Variants in CHD6 observed in about 807,000 individuals in gnomAD.
CHD6 encodes the protein chromodomain helicase DNA binding protein 6.
A neutral mutation model predicts 276.9 loss-of-function variants in CHD6; 50 were observed. The observed-to-expected ratio is 0.18, with a 90% CI of 0.14 to 0.23. The LOEUF is 0.23. CHD6 is among the 10% of genes least tolerant of loss of function. CHD6 has a pLI of 1.00. For synonymous variants in CHD6, 1,173 were observed against 1,229.3 expected, an observed-to-expected ratio of 0.95 and a Z score of 0.96; for missense variants, 2,564 against 3,365.8, an observed-to-expected ratio of 0.76 and a Z score of 5.89.
rs148749289 is a variant in CHD6 at position 41,441,555 on chromosome 20, A to G, written c.3878-1426T>C. On this transcript the variant is annotated intron_variant, in intron 25 of 36. Coordinates refer to ENST00000373233, the MANE Select transcript of CHD6 (RefSeq NM_032221.5). Reference sequence around the variant, plus strand: ...TGAGGGAGGCCAACTGTCCAGGAGTATACCACCTTCACACTCTGTGCTCAG... The same window carrying G: ...TGAGGGAGGCCAACTGTCCAGGAGTGTACCACCTTCACACTCTGTGCTCAG... 2.8e-3 allele frequency among the ~76,000 whole-genome samples: 419 copies of G among 152,328 alleles called. 2 individuals carry two copies. The highest frequency in any genetic ancestry group is 0.024 in the Middle Eastern group (7 of 294).
Position 41,527,089 on chromosome 20 carries a change from A to G in CHD6, c.554+5961T>C, listed in dbSNP as rs1186855259. On this transcript the variant is annotated intron_variant, in intron 3 of 36. Coordinates refer to ENST00000373233, the MANE Select transcript of CHD6 (RefSeq NM_032221.5). ...CATATGTGTGGAAATTCCAAAGCTCATCCTCTGCCCTCACCAACAACATGA... is the reference window on the plus strand; with the variant it reads ...CATATGTGTGGAAATTCCAAAGCTCGTCCTCTGCCCTCACCAACAACATGA... 2.6e-5 allele frequency among the ~76,000 whole-genome samples: 4 copies of G among 152,170 alleles called. No homozygotes were observed. The East Asian group carries it at 7.7e-4, about 29-fold the overall frequency.
chr20:41,502,546 G>T (rs1262321769), intron 5 of CHD6, among the ~76,000 whole-genome samples: 1 of 152,186 alleles, frequency 6.6e-6, no homozygotes, highest in African/African-American at 2.4e-5. Context: ...CCTACAGCTT[G>T]ATTACAAAGT....
chr20:41,416,735 C>T lies in CHD6; in HGVS notation c.6339G>A (p.Trp2113Ter). The change falls in exon 33 of 37, where the codon TGG becomes TGA. Residue 2113 changes from tryptophan (W) to a stop codon, truncating the protein, a stop_gained. Coordinates refer to ENST00000373233, the MANE Select transcript of CHD6 (RefSeq NM_032221.5). LOFTEE classifies it high-confidence loss of function. The stretch of plus-strand genomic sequence containing the variant: ...AGGGCTCATACTGCTGGCTAGAGGG[C>T]CACTTCCCCTTTAACACCACGTGGC... Reference protein sequence around the residue: ...NICHVVLKGKWPSSQQYEPSG... With the variant: ...NICHVVLKGK The T allele has an allele frequency of 6.2e-7, 1 of 1,612,328 alleles. No homozygotes were observed. The highest frequency in any genetic ancestry group is 8.5e-7 in the Non-Finnish European group (1 of 1,178,924).
intron 12 of CHD6, among the ~76,000 whole-genome samples, chr20:41,489,534 C>G (rs959211691): frequency 6.6e-6 from 1 of 152,146 alleles, no homozygotes; most frequent in African/African-American, 2.4e-5. Context: ...ATAAGTAAGT[C>G]AAACTTTCAG....
At chr20:41,477,266 A>T (rs545457359) in intron 16 of CHD6, among the ~76,000 whole-genome samples, 33 of 152,110 alleles carry the variant, frequency 2.2e-4, no homozygotes, top group African/African-American at 8.0e-4. Context: ...AAATAAATAA[A>T]TAATTCTGAA....
At chr20:41,503,530 G>T (rs2043890377) in intron 5 of CHD6, among the ~76,000 whole-genome samples, 1 of 152,020 alleles carries the variant, frequency 6.6e-6, no homozygotes. Context: ...ATTCAATATT[G>T]TACTACTTAA....
At chr20:41,539,037 G>A (rs1046646218) in intron 2 of CHD6, among the ~76,000 whole-genome samples, 25 of 152,172 alleles carry the variant, frequency 1.6e-4, no homozygotes, top group African/African-American at 6.0e-4. Context: ...TGACTCCACT[G>A]AACTCTAACT....
At chr20:41,525,591 T>C (rs2044512063) in intron 3 of CHD6, among the ~76,000 whole-genome samples, 1 of 152,234 alleles carries the variant, frequency 6.6e-6, no homozygotes, top group African/African-American at 2.4e-5. Context: ...CCCTCTGTTC[T>C]TCCTATCATT....
At chr20:41,426,067 A>C in intron 28 of CHD6, 26 bp downstream of exon 28, 1 of 1,526,072 alleles carries the variant, frequency 6.6e-7, no homozygotes. Flanking sequence ...TTACTTTCCT[A>C]TGCCTTCAGA....
chr20:41,616,552 C>A (rs901692118), intron 1 of CHD6, among the ~76,000 whole-genome samples: 1 of 152,066 alleles, frequency 6.6e-6, no homozygotes, highest in East Asian at 1.9e-4. Flanking sequence ...TTTTAGTCAC[C>A]CACTAATCAA....
intron 2 of CHD6, among the ~76,000 whole-genome samples, chr20:41,534,294 T>C (rs2044770025): frequency 6.6e-6 from 1 of 152,200 alleles, no homozygotes; most frequent in Admixed American, 6.5e-5. Context: ...CTTTGCATGA[T>C]GGCTTAGAAA....
intron 5 of CHD6, among the ~76,000 whole-genome samples, chr20:41,501,657 T>C (rs561659307): frequency 6.6e-6 from 1 of 152,338 alleles, no homozygotes; most frequent in East Asian, 1.9e-4. Context: ...ATCTTGGATA[T>C]ATAACTAGGA....
intron 27 of CHD6, among the ~76,000 whole-genome samples, chr20:41,436,995 C>T (rs141315434): frequency 3.9e-4 from 59 of 152,164 alleles, no homozygotes; most frequent in African/African-American, 1.3e-3. Flanking sequence ...TACTGCAAGA[C>T]GCCACTACGA....
intron 26 of CHD6, among the ~76,000 whole-genome samples, chr20:41,438,343 C>A (rs1020381383): frequency 1.3e-5 from 2 of 151,990 alleles, no homozygotes; most frequent in Non-Finnish European, 2.9e-5. Context: ...TAATCCCAGC[C>A]CTTAGGGAGG....
At chr20:41,594,374 C>G (rs1040138587) in intron 1 of CHD6, among the ~76,000 whole-genome samples, 10 of 152,204 alleles carry the variant, frequency 6.6e-5, no homozygotes, top group Non-Finnish European at 4.4e-5. Context: ...TTACACCAAT[C>G]TAAAATCAAA....
At chr20:41,542,289 T>A in intron 2 of CHD6, among the ~76,000 whole-genome samples, 1 of 152,214 alleles carries the variant, frequency 6.6e-6, no homozygotes, top group East Asian at 1.9e-4. Flanking sequence ...CTGGCCCACA[T>A]GTAGTTTTAC....
At chr20:41,616,945 C>T (rs1009789369) in intron 1 of CHD6, among the ~76,000 whole-genome samples, 2 of 152,106 alleles carry the variant, frequency 1.3e-5, no homozygotes, top group African/African-American at 4.8e-5. Flanking sequence ...GGAGCAAAAC[C>T]GAGTGGTCTG....
chr20:41,471,339 T>C (rs1235759719), intron 17 of CHD6, among the ~76,000 whole-genome samples: 1 of 152,234 alleles, frequency 6.6e-6, no homozygotes. Flanking sequence ...TTTTGCTTAT[T>C]ATTATTTTAG....
chr20:41,469,818 T>C (rs1452531748), intron 17 of CHD6, among the ~76,000 whole-genome samples: 3 of 152,264 alleles, frequency 2.0e-5, no homozygotes, highest in Non-Finnish European at 2.9e-5. Flanking sequence ...TTCCTTTTAA[T>C]AGTCCAGATA....
Sources: gnomAD v4.1 joint callset for allele counts (sites outside exome capture counted in the v4.1 genomes callset) on GRCh38, gnomAD v4.1.1 for gene constraint, MANE v1.5 for transcripts, NCBI Gene and HGNC (gene_info 2026-07-23, HGNC 2026-07-21) for gene names.